PALLD: variants seen among roughly 807,000 people sequenced by gnomAD.
PALLD encodes the protein palladin.
In PALLD, 61 loss-of-function variants were observed where a neutral mutation model predicts 123.5. The observed-to-expected ratio is 0.49, with a 90% CI of 0.40 to 0.61. The LOEUF (loss-of-function observed/expected upper bound fraction) is 0.61, where lower values mean the gene tolerates loss of function less well. Ranked by LOEUF, PALLD falls within the 20% of genes least tolerant of loss-of-function variation. The probability of loss-of-function intolerance (pLI) is 0.00; values close to 1 mark genes in which losing one functional copy is unlikely to be tolerated. For synonymous variants in PALLD, 465 were observed against 496.4 expected, an observed-to-expected ratio of 0.94 and a Z score of 0.84; for missense variants, 1,273 against 1,377.0, an observed-to-expected ratio of 0.92 and a Z score of 1.20.
At chr4:168,761,645 G>GTTTGTT (rs1561493717) in intron 10 of PALLD, among the ~76,000 whole-genome samples, 1 of 88,016 alleles carries the variant, frequency 1.1e-5, no homozygotes, top group African/African-American at 4.1e-5. Context: ...GTTGTTGTTT[G>GTTTGTT]TTTTTTTTTT....
intron 10 of PALLD, among the ~76,000 whole-genome samples, chr4:168,742,903 C>T (rs1788499516): frequency 6.6e-6 from 1 of 152,154 alleles, no homozygotes; most frequent in African/African-American, 2.4e-5. Flanking sequence ...GACAATCTCA[C>T]TCCCTCCTTT....
chr4:168,685,449 A>G (rs757323777), intron 5 of PALLD, 36 bp from the exon 6 acceptor site: 5 of 1,364,252 alleles, frequency 3.7e-6, no homozygotes, highest in Middle Eastern at 3.6e-4. Context: ...CAATTTATAT[A>G]TTTAGAATTT....
intron 10 of PALLD, among the ~76,000 whole-genome samples, chr4:168,781,682 ACCACTTTAGT>A (rs904323298): frequency 6.6e-6 from 1 of 152,116 alleles, no homozygotes; most frequent in African/African-American, 2.4e-5. Flanking sequence ...TTAAGATCAT[ACCACTTTAGT>A]AGGGCTGGTT....
In PALLD at chr4:168,815,805, A is replaced by T. The variant is rs78202884; in HGVS notation, c.1965-75117A>T. ...AATACTAAGCGATAGGATATCCTGT[A>T]TGTTTAGATTACTTGCCTCTGAAAA... On this transcript the variant is annotated intron_variant, in intron 10 of 21. Transcript: ENST00000505667. 7.6e-3 allele frequency among the ~76,000 whole-genome samples: 1,155 copies of T among 152,328 alleles called. 48 individuals are homozygous for T. The East Asian group carries it at 0.14, about 18-fold the overall frequency.
In PALLD at chr4:168,619,222, C is replaced by T. The variant is rs189981007; in HGVS notation, c.909-48968C>T. Among the ~76,000 whole-genome samples, 221 of 152,194 alleles carry T rather than the reference C, an allele frequency of 1.5e-3. 2 individuals carry two copies. The highest frequency in any genetic ancestry group is 6.8e-3 in the Middle Eastern group (2 of 294). ...AAGGCTGAAGGAAGAGTTTCTGAAGCGAGATAACTTGGCAACTTGGAGGAT... is the reference window on the plus strand; with the variant it reads ...AAGGCTGAAGGAAGAGTTTCTGAAGTGAGATAACTTGGCAACTTGGAGGAT... On this transcript the variant is annotated intron_variant, in intron 2 of 21. Transcript: ENST00000505667.
chr4:168,903,941 G>A, intron 15 of PALLD, 35 bp downstream of exon 15: 1 of 1,589,910 alleles, frequency 6.3e-7, no homozygotes, highest in Non-Finnish European at 8.6e-7. Context: ...TCAGTTCTGT[G>A]TCTAGTGCTT....
intron 10 of PALLD, among the ~76,000 whole-genome samples, chr4:168,815,341 C>G (rs1000458803): frequency 3.3e-5 from 5 of 152,260 alleles, no homozygotes; most frequent in African/African-American, 1.2e-4. Context: ...AAGTTTGAAC[C>G]CACAAGTCAC....
At chr4:168,823,693 C>A (rs1743041488) in intron 10 of PALLD, among the ~76,000 whole-genome samples, 1 of 152,050 alleles carries the variant, frequency 6.6e-6, no homozygotes, top group Non-Finnish European at 1.5e-5. Flanking sequence ...AAAAAGAAAT[C>A]CCTTTCTCCT....
At chr4:168,756,383 G>A (rs77073883) in intron 10 of PALLD, 4 of 208,728 alleles carry the variant, frequency 1.9e-5, no homozygotes, top group Admixed American at 1.4e-4. Flanking sequence ...AGGCTGATGA[G>A]TAAAATCTAA....
intron 2 of PALLD, among the ~76,000 whole-genome samples, chr4:168,589,439 TC>T (rs911578143): frequency 2.6e-5 from 4 of 152,108 alleles, no homozygotes; most frequent in Non-Finnish European, 4.4e-5. Flanking sequence ...CCATTTTTTG[TC>T]CGTTTCCTCC....
intron 10 of PALLD, among the ~76,000 whole-genome samples, chr4:168,759,202 AATATATAT>A (rs147474708): frequency 5.2e-3 from 115 of 22,184 alleles, no homozygotes; most frequent in African/African-American, 0.011. Context: ...AAAAAAAAAA[AATATATAT>A]ATATATATAT....
rs1779830853 is a variant in PALLD at position 168,668,099 on chromosome 4, T to C, written c.909-91T>C. Reference sequence around the variant, plus strand: ...TTAATCAAACAAACATCATTTTGCATAGCAACCAGCCTTCACTTCTGCTTT... The same window carrying C: ...TTAATCAAACAAACATCATTTTGCACAGCAACCAGCCTTCACTTCTGCTTT... On this transcript the variant is annotated intron_variant, in intron 2 of 21. Transcript: ENST00000505667. 3.0e-6 allele frequency: 3 copies of C among 997,444 alleles called. No individual in the cohort carries two copies. The South Asian group carries it at 3.9e-5, about 13-fold the overall frequency. The allele number at this position is 997,444 out of a possible 1,614,324, so 61.8% of individuals were successfully genotyped here.
intron 3 of PALLD, among the ~76,000 whole-genome samples, chr4:168,672,400 C>G (rs1172328328): frequency 6.6e-6 from 1 of 152,070 alleles, no homozygotes; most frequent in African/African-American, 2.4e-5. Flanking sequence ...CCCATTCCCC[C>G]CTTCTCCTTC....
intron 2 of PALLD, among the ~76,000 whole-genome samples, chr4:168,653,874 G>A (rs536882468): frequency 7.2e-5 from 11 of 151,776 alleles, no homozygotes; most frequent in African/African-American, 1.7e-4. Context: ...CTAATTTTTC[G>A]TATTTTTAGT....
intron 15 of PALLD, chr4:168,904,193 C>CA: frequency 2.6e-6 from 1 of 390,204 alleles, no homozygotes; most frequent in Non-Finnish European, 4.8e-6. Flanking sequence ...GTAGACTGGA[C>CA]AAAGTCCTAT....
At chr4:168,545,790 T>C (rs1260499652) in intron 2 of PALLD, among the ~76,000 whole-genome samples, 2 of 152,198 alleles carry the variant, frequency 1.3e-5, no homozygotes, top group Admixed American at 6.5e-5. Context: ...AATTACATAA[T>C]GTCAGTTTAT....
intron 2 of PALLD, among the ~76,000 whole-genome samples, chr4:168,647,050 G>GA (rs1033707143): frequency 1.3e-5 from 2 of 152,038 alleles, no homozygotes; most frequent in African/African-American, 2.4e-5. Context: ...GTTTGGAAAA[G>GA]AAAAAACAGA....
In PALLD at chr4:168,709,097, G is replaced by T. The variant is rs776908136; in HGVS notation, c.1571G>T (p.Arg524Ile). Residue 524 changes from arginine to isoleucine, a missense_variant, in exon 9 of 22, where the codon AGA becomes ATA. By Grantham distance (97) the Arg-to-Ile change is moderately conservative. Coordinates refer to ENST00000505667, the MANE Select transcript of PALLD (RefSeq NM_001166108.2). ...EDAGIFTCSA[R>I]NDYGSATSTA... ...GCAGGGATCTTTACATGTTCAGCAA[G>T]AAATGATTATGGATCAGCAACCAGC... The T allele has an allele frequency of 1.3e-5, 21 of 1,613,768 alleles. No individual in the cohort carries two copies. In the South Asian group the frequency reaches 2.2e-4, roughly 17 times the overall value.
chr4:168,830,599 A>G (rs1355325951), intron 10 of PALLD, among the ~76,000 whole-genome samples: 1 of 152,244 alleles, frequency 6.6e-6, no homozygotes, highest in African/African-American at 2.4e-5. Context: ...GTTTAAATAC[A>G]CATCCAAAAG....
Sources: gnomAD v4.1 joint callset for allele counts (sites outside exome capture counted in the v4.1 genomes callset) on GRCh38, gnomAD v4.1.1 for gene constraint, MANE v1.5 for transcripts, NCBI Gene and HGNC (gene_info 2026-07-23, HGNC 2026-07-21) for gene names.